Variants in SOD1 observed in about 807,000 individuals in gnomAD.
SOD1 encodes superoxide dismutase [Cu-Zn].
In SOD1, 8 loss-of-function variants were observed where a neutral mutation model predicts 15.9. The observed-to-expected ratio is 0.50, with a 90% CI of 0.30 to 0.91. SOD1 has a LOEUF of 0.91. Among genes scored for constraint, SOD1 ranks in the 40% least tolerant of loss-of-function variants. The pLI, the probability that SOD1 is intolerant of heterozygous loss-of-function variation, is 0.07. For missense variants in SOD1, 137 were observed against 194.5 expected, an observed-to-expected ratio of 0.70 and a Z score of 1.76; for synonymous variants, 86 against 71.2, an observed-to-expected ratio of 1.21 and a Z score of -1.04.
rs1164214591 is a variant in SOD1, at chr21:31,659,766, A to G, written c.-4A>G. 1 of 1,613,854 alleles carries G rather than the reference A, an allele frequency of 6.2e-7. No homozygotes were observed. The highest frequency in any genetic ancestry group is 8.5e-7 in the Non-Finnish European group (1 of 1,179,858). ...ACCAGGACCTCGGCGTGGCCTAGCG[A>G]GTTATGGCGACGAAGGCCGTGTGCG... On this transcript the variant is annotated 5_prime_UTR_variant, in exon 1 of 5. Transcript: ENST00000270142.
chr21:31,660,506 A>G (rs968243084), intron 1 of SOD1: 3 of 152,250 alleles, frequency 2.0e-5, no homozygotes, highest in East Asian at 1.9e-4. Context: ...ATTGGGCTGC[A>G]AGGGCAGAGA....
chr21:31,663,033 C>G (rs1273970796), intron 1 of SOD1, among the ~76,000 whole-genome samples: 1 of 145,102 alleles, frequency 6.9e-6, no homozygotes, highest in Non-Finnish European at 1.5e-5. Flanking sequence ...AAGAAAAAAA[C>G]TTATGATGGA....
At chr21:31,662,772 T>A (rs917397685) in intron 1 of SOD1, among the ~76,000 whole-genome samples, 2 of 152,152 alleles carry the variant, frequency 1.3e-5, no homozygotes, top group Non-Finnish European at 2.9e-5. Context: ...CCCAGCACTT[T>A]GGGAGGCCGA....
At chr21:31,666,176 G>C (rs968259904) in intron 2 of SOD1, among the ~76,000 whole-genome samples, 2 of 152,010 alleles carry the variant, frequency 1.3e-5, no homozygotes, top group Non-Finnish European at 2.9e-5. Context: ...GTTTTGCTAT[G>C]CTGGCCAGGC....
chr21:31,663,144 CAAGT>C (rs1029205260), intron 1 of SOD1, among the ~76,000 whole-genome samples: 64 of 147,246 alleles, frequency 4.3e-4, no homozygotes, highest in African/African-American at 1.6e-3. Context: ...TTTTTAAAGT[CAAGT>C]GAGTATGCCA....
At chr21:31,660,847 G>C (rs765177291) in intron 1 of SOD1, 1 of 152,212 alleles carries the variant, frequency 6.6e-6, no homozygotes, top group African/African-American at 2.4e-5. Context: ...CACCGAATTG[G>C]CACTTAATAA....
chr21:31,667,140 T>C (rs908790296), intron 3 of SOD1, 118 bp from the exon 4 acceptor site: 3 of 734,434 alleles, frequency 4.1e-6, no homozygotes, highest in Non-Finnish European at 7.4e-6. Context: ...GTATTTAGAA[T>C]GCCTAGCTAC....
chr21:31,666,601 A>G, intron 3 of SOD1, 83 bp downstream of exon 3: 1 of 1,049,732 alleles, frequency 9.5e-7, no homozygotes, highest in Non-Finnish European at 1.5e-6. Context: ...ATGTGCTAAG[A>G]TAATTCCGTG....
At chr21:31,667,871 T>G (rs2049610584) in intron 4 of SOD1, among the ~76,000 whole-genome samples, 1 of 152,210 alleles carries the variant, frequency 6.6e-6, no homozygotes, top group South Asian at 2.1e-4. Flanking sequence ...AGGCTCTCTT[T>G]TACCTCCCCT....
At chr21:31,663,060 C>G (rs1046467113) in intron 1 of SOD1, among the ~76,000 whole-genome samples, 2 of 147,566 alleles carry the variant, frequency 1.4e-5, no homozygotes, top group African/African-American at 5.0e-5. Context: ...AAAACACTCA[C>G]TGAGTGGGGA....
chr21:31,663,172 G>A (rs1214457200), intron 1 of SOD1, among the ~76,000 whole-genome samples: 1 of 150,382 alleles, frequency 6.6e-6, no homozygotes, highest in East Asian at 1.9e-4. Context: ...GGAAAAGGGT[G>A]TGCGTGGAGA....
intron 4 of SOD1, 113 bp from the exon 5 acceptor site, chr21:31,668,358 G>T (rs1448251361): frequency 5.3e-6 from 4 of 760,188 alleles, no homozygotes; most frequent in East Asian, 2.6e-5. Flanking sequence ...TCTCTACTAG[G>T]ATTAATGTTA....
chr21:31,666,357 C>G, intron 2 of SOD1, 92 bp from the exon 3 acceptor site: 6 of 943,482 alleles, frequency 6.4e-6, no homozygotes, highest in Non-Finnish European at 1.0e-5. Flanking sequence ...TCAGCACTTT[C>G]TCCATGGGAA....
intron 3 of SOD1, 198 bp downstream of exon 3, chr21:31,666,716 C>T (rs534256309): frequency 9.7e-6 from 6 of 621,500 alleles, no homozygotes; most frequent in South Asian, 1.8e-5. Context: ...CAAATGGGGA[C>T]ACTTAAAACG....
At chr21:31,664,743 T>A (rs889277278) in intron 2 of SOD1, among the ~76,000 whole-genome samples, 1 of 151,924 alleles carries the variant, frequency 6.6e-6, no homozygotes, top group Non-Finnish European at 1.5e-5. Flanking sequence ...CTCAGCCCCC[T>A]GAGTAGCTGG....
At chr21:31,664,761 G>C (rs2049579417) in intron 2 of SOD1, among the ~76,000 whole-genome samples, 1 of 152,096 alleles carries the variant, frequency 6.6e-6, no homozygotes, top group Admixed American at 6.5e-5. Context: ...TGGGACTACA[G>C]GTGCCCGCCA....
chr21:31,662,742 T>G (rs1049483037), intron 1 of SOD1, among the ~76,000 whole-genome samples: 1 of 152,142 alleles, frequency 6.6e-6, no homozygotes, highest in African/African-American at 2.4e-5. Flanking sequence ...TAGCCGGGCG[T>G]GGTGGCTTAC....
intron 1 of SOD1, among the ~76,000 whole-genome samples, chr21:31,662,072 C>G (rs183577942): frequency 6.6e-6 from 1 of 152,210 alleles, no homozygotes; most frequent in African/African-American, 2.4e-5. Context: ...TTTTCGCTTC[C>G]CAGGCCTGTG....
chr21:31,666,345 G>A, intron 2 of SOD1, 104 bp from the exon 3 acceptor site: 1 of 823,822 alleles, frequency 1.2e-6, no homozygotes, highest in Middle Eastern at 2.5e-4. Context: ...TCGTGATGCA[G>A]GTCAGCACTT....
Sources: allele counts gnomAD v4.1 joint callset (sites outside exome capture counted in the v4.1 genomes callset), GRCh38; gene constraint gnomAD v4.1.1; transcripts MANE v1.5; gene names NCBI Gene and HGNC (gene_info 2026-07-23, HGNC 2026-07-21).